The following PRRC2A variants were observed in gnomAD, a reference collection of about 807,000 sequenced individuals.
PRRC2A encodes protein PRRC2A.
In PRRC2A, 59 loss-of-function variants were observed where a neutral mutation model predicts 224.6. That is an observed-to-expected ratio of 0.26 (90% CI 0.21 to 0.33). The LOEUF (loss-of-function observed/expected upper bound fraction) is 0.33, where lower values mean the gene tolerates loss of function less well. Ranked by LOEUF, PRRC2A falls within the 10% of genes least tolerant of loss-of-function variation. The pLI, the probability that PRRC2A is intolerant of heterozygous loss-of-function variation, is 1.00. For missense variants in PRRC2A, 3,095 were observed against 2,880.7 expected, an observed-to-expected ratio of 1.07 and a Z score of -1.70; for synonymous variants, 1,194 against 1,109.5, an observed-to-expected ratio of 1.08 and a Z score of -1.51.
chr6:31,621,041 G>A (rs1775214250), intron 1 of PRRC2A, among the ~76,000 whole-genome samples, 183 bp downstream of exon 1: 3 of 152,176 alleles, frequency 2.0e-5, no homozygotes, highest in African/African-American at 7.2e-5. Flanking sequence ...CTCTACTCCG[G>A]GACCCGCACC....
At chr6:31,630,351 A>AT (rs1776407532) in intron 14 of PRRC2A, among the ~76,000 whole-genome samples, 1 of 152,180 alleles carries the variant, frequency 6.6e-6, no homozygotes, top group Non-Finnish European at 1.5e-5. Flanking sequence ...CTCCATCTCA[A>AT]AAATGAATGA....
intron 21 of PRRC2A, 68 bp from the exon 22 acceptor site, chr6:31,635,064 G>A: frequency 6.2e-7 from 1 of 1,601,416 alleles, no homozygotes; most frequent in Non-Finnish European, 8.5e-7. Flanking sequence ...CTGCGTGTGT[G>A]TTCTGGGCAT....
At position 31,625,951 on chromosome 6, in the gene PRRC2A, CTCAGTCTAGGA is replaced by C. The variant is rs1358340118; in HGVS notation, c.840-61_840-51del. On this transcript the variant is annotated intron_variant, in intron 8 of 30. Transcript: ENST00000376033. This position sits in a 1 kb window ranked among gnomAD's most constrained non-coding sequence, Gnocchi z 4.1. Reference sequence around the variant, plus strand: ...AGGAGATGGTTTTCTAGCCAGGAGGCTCAGTCTAGGATCAGTCTCGCATGTGGTTATACAAC... The same window carrying C: ...AGGAGATGGTTTTCTAGCCAGGAGGCTCAGTCTCGCATGTGGTTATACAAC... 1.3e-6 allele frequency: 2 copies of C among 1,593,628 alleles called. No homozygotes were observed. The highest frequency in any genetic ancestry group is 1.7e-6 in the Non-Finnish European group (2 of 1,166,616).
Position 31,637,235 on chromosome 6 carries a change from T to C in PRRC2A, c.6244T>C (p.Ser2082Pro). ...CCTTAGACGCCCTTCTTCCCTTAGG[T>C]CCTTCTCTGGCCTCAATTCCCGTCT... Reference protein sequence around the residue: ...GSSRTPPTGRSFSGLNSRLKA... With the variant: ...GSSRTPPTGRPFSGLNSRLKA... Residue 2082 changes from serine to proline, a missense_variant and splice_region_variant, in exon 30 of 31, where the codon TCC (serine) becomes CCC (proline). Coordinates refer to ENST00000376033, the MANE Select transcript of PRRC2A (RefSeq NM_004638.4). 6.2e-7 allele frequency: 1 copy of C among 1,610,660 alleles called. No individual in the cohort carries two copies. Among genetic ancestry groups the C allele is most frequent in the African/African-American group, 1.3e-5 (1 of 74,968 alleles).
chr6:31,637,403 C>T (rs778036001), intron 30 of PRRC2A, 43 bp from the exon 31 acceptor site: 41 of 1,603,462 alleles, frequency 2.6e-5, no homozygotes, highest in Non-Finnish European at 2.6e-5. Flanking sequence ...TCATCGCTGA[C>T]CTCTCACTGT....
chr6:31,624,901 C>T (rs750533227), intron 5 of PRRC2A: 73 of 525,668 alleles, frequency 1.4e-4, no homozygotes, highest in Non-Finnish European at 2.0e-4. Flanking sequence ...TGGGTTCAAG[C>T]GATTTTCCTG....
intron 12 of PRRC2A, chr6:31,628,942 A>G: frequency 1.8e-6 from 1 of 567,286 alleles, no homozygotes; most frequent in South Asian, 2.2e-5. Flanking sequence ...GGTTTCATAG[A>G]AAGTTAATGC....
intron 9 of PRRC2A, among the ~76,000 whole-genome samples, chr6:31,626,383 C>T (rs868842218): frequency 6.6e-6 from 1 of 151,212 alleles, no homozygotes; most frequent in African/African-American, 2.4e-5. Flanking sequence ...CAAGACCCCC[C>T]ACCTCTACAA....
At position 31,635,273 on chromosome 6, in the gene PRRC2A, G is replaced by C. The variant is rs1366067957; in HGVS notation, c.5301+1G>C. 1 of 1,613,984 alleles carries C rather than the reference G, an allele frequency of 6.2e-7. No homozygotes were observed. Among genetic ancestry groups the C allele is most frequent in the African/African-American group, 1.3e-5 (1 of 74,944 alleles). ...AGTCCAGTTTGGCACTAGTGACAAG[G>C]TCTGTGTGGGCTGGATCTGGGTATC... is the stretch of plus-strand genomic sequence containing the variant. On this transcript the variant is annotated splice_donor_variant, in intron 22 of 30. Coordinates refer to ENST00000376033, the MANE Select transcript of PRRC2A (RefSeq NM_004638.4). LOFTEE classifies it high-confidence loss of function.
At chr6:31,620,939 C>CGGCGGT (rs879226222) in intron 1 of PRRC2A, 81 bp downstream of exon 1, 4 of 157,120 alleles carry the variant, frequency 2.5e-5, no homozygotes, top group Admixed American at 2.0e-4. Flanking sequence ...GCGGCGGCGG[C>CGGCGGT]GGTGGTGGGC....
In PRRC2A at chr6:31,635,628, C is replaced by T. The variant is rs200687648; in HGVS notation, c.5420C>T (p.Ala1807Val). Residue 1807 changes from alanine to valine, a missense_variant, in exon 24 of 31, where the codon GCC becomes GTC. By Grantham distance (64) the Ala-to-Val change is moderately conservative (BLOSUM62 0). This residue lies in a region of PRRC2A where 662 missense variants were observed against 609.5 expected (regional missense o/e 1.09). Coordinates refer to ENST00000376033, the MANE Select transcript of PRRC2A (RefSeq NM_004638.4). ...TGGGAGCTGCTTCCCAGTGCTGCTG[C>T]CTCTGCTGAGCCACAATCCAAGAAC... ...RDWELLPSAA[A>V]SAEPQSKNLD... 5.6e-6 allele frequency: 9 copies of T among 1,612,586 alleles called. No homozygotes were observed. Among genetic ancestry groups the T allele is most frequent in the Middle Eastern group, 1.6e-4 (1 of 6,084 alleles).
chr6:31,634,450 T>C, intron 19 of PRRC2A, 22 bp from the exon 20 acceptor site: 1 of 1,612,776 alleles, frequency 6.2e-7, no homozygotes, highest in Non-Finnish European at 8.5e-7. Context: ...ACTTCTCTTC[T>C]GGTTGGTGCT....
chr6:31,622,003 A>G (rs1775346960), intron 1 of PRRC2A, among the ~76,000 whole-genome samples: 1 of 152,222 alleles, frequency 6.6e-6, no homozygotes, highest in Non-Finnish European at 1.5e-5. Flanking sequence ...ACAGTATTTC[A>G]TCTGGAGGCG....
rs549116184 is a variant in PRRC2A at position 31,626,987 on chromosome 6, A to C, written c.1079A>C (p.Asp360Ala). The change falls in exon 11 of 31, where the codon GAT (aspartate) becomes GCT (alanine). Residue 360 changes from aspartate to alanine, a missense_variant. Transcript: ENST00000376033. ...CACTGTTGATCTGCTCACAGCAGGG[A>C]TTCCCAATCAGCTTCTGGTGAGGAA... ...SDEEGAEGHR[D>A]SQSASGEERP... The C allele has an allele frequency of 2.2e-5, 36 of 1,614,146 alleles. No homozygotes were observed. The South Asian group carries it at 3.6e-4, about 16-fold the overall frequency.
In PRRC2A at chr6:31,632,377, A is replaced by G; in HGVS notation, c.3704A>G (p.Glu1235Gly). 1.2e-6 allele frequency: 2 copies of G among 1,612,644 alleles called. No homozygotes were observed. Among genetic ancestry groups the G allele is most frequent in the Non-Finnish European group, 1.7e-6 (2 of 1,179,478 alleles). The change falls in exon 16 of 31, where the codon GAA becomes GGA. Residue 1235 changes from glutamate (E) to glycine (G), a missense_variant. Around this residue, in one of 8 missense-constraint regions of PRRC2A, gnomAD observed 2,001 missense variants for 1,764.9 expected, o/e 1.13. Transcript: ENST00000376033. ...GSNGGSNVGM[E>G]DGERPRRRRH... is the part of the protein sequence containing the mutation. ...AATGGAGGTAGCAATGTGGGCATGG[A>G]AGATGGGGAGCGACCCCGAAGGAGG...
chr6:31,632,395 G>C lies in PRRC2A; in HGVS notation c.3722G>C (p.Arg1241Pro). 4 of 1,610,502 alleles carry C rather than the reference G, an allele frequency of 2.5e-6. No individual in the cohort carries two copies. The highest frequency in any genetic ancestry group is 1.1e-5 in the South Asian group (1 of 90,948). Residue 1241 changes from arginine to proline, a missense_variant, in exon 16 of 31, where the codon CGA (arginine) becomes CCA (proline). Transcript: ENST00000376033. Reference protein sequence around the residue: ...NVGMEDGERPRRRRHGRAQQQ... With the variant: ...NVGMEDGERPPRRRHGRAQQQ... ...GGCATGGAAGATGGGGAGCGACCCC[G>C]AAGGAGGCGACATGGGAGGGCTCAG...
rs372544812 is a variant in PRRC2A, at chr6:31,633,635, G to T, written c.4576G>T (p.Gly1526Cys). The T allele has an allele frequency of 3.7e-6, 6 of 1,610,768 alleles. No individual in the cohort carries two copies. Among genetic ancestry groups the T allele is most frequent in the Non-Finnish European group, 5.1e-6 (6 of 1,178,652 alleles). ...TRYEPQRVNS[G>C]LSSDPHFEEP... ...ATACGAGCCCCAGAGGGTCAACAGC[G>T]GCCTCAGTTCTGGTAAGCTGGAGGG... The change falls in exon 17 of 31, where the codon GGC becomes TGC. Residue 1526 changes from glycine to cysteine, a missense_variant. Gly to Cys is a radical substitution (Grantham distance 159, BLOSUM62 -3). Around this residue, in one of 8 missense-constraint regions of PRRC2A, gnomAD observed 2,001 missense variants for 1,764.9 expected, o/e 1.13. Transcript: ENST00000376033.
In PRRC2A at chr6:31,636,926, C is replaced by G. The variant is rs1373465164; in HGVS notation, c.6128C>G (p.Ala2043Gly). The G allele has an allele frequency of 2.5e-6, 4 of 1,612,836 alleles. No individual in the cohort carries two copies. Among genetic ancestry groups the G allele is most frequent in the Admixed American group, 1.7e-5 (1 of 59,984 alleles). ...VLPSPARPFP[A>G]SLGRAELHPV... ...CCTTCACCTGCCAGGCCCTTCCCCGCTAGCTTGGGGCGAGCAGAGGTAAGG... is the reference window on the plus strand; with the variant it reads ...CCTTCACCTGCCAGGCCCTTCCCCGGTAGCTTGGGGCGAGCAGAGGTAAGG... Residue 2043 changes from alanine (A) to glycine (G), a missense_variant, in exon 28 of 31, where the codon GCT (alanine) becomes GGT (glycine). Coordinates refer to ENST00000376033, the MANE Select transcript of PRRC2A (RefSeq NM_004638.4). The surrounding 1 kb of genome is among the most constrained non-coding windows in gnomAD (Gnocchi z 4.3).
At chr6:31,635,036 T>C (rs1777157621) in intron 21 of PRRC2A, 59 bp downstream of exon 21, 1 of 1,596,698 alleles carries the variant, frequency 6.3e-7, no homozygotes, top group African/African-American at 1.3e-5. Flanking sequence ...TGGCCCTACC[T>C]TTTTCTGCTT....
Sources: gnomAD v4.1 joint callset for allele counts (sites outside exome capture counted in the v4.1 genomes callset) on GRCh38, gnomAD v4.1.1 for gene constraint, gnomAD v4.1.1 regional missense constraint, Gnocchi (gnomAD v3.1) non-coding constraint, MANE v1.5 for transcripts, NCBI Gene and HGNC (gene_info 2026-07-23, HGNC 2026-07-21) for gene names.